TMEM132C: variants seen among roughly 807,000 people sequenced by gnomAD.
TMEM132C encodes the protein transmembrane protein 132C, also known as protein phosphatase 1, regulatory subunit 152.
TMEM132C carries 29 observed loss-of-function variants against 61.4 expected under a neutral mutation model. That is an observed-to-expected ratio of 0.47 (90% CI 0.35 to 0.64). The LOEUF (loss-of-function observed/expected upper bound fraction) is 0.64, where lower values mean the gene tolerates loss of function less well. Ranked by LOEUF, TMEM132C falls within the 30% of genes least tolerant of loss-of-function variation. The pLI, the probability that TMEM132C is intolerant of heterozygous loss-of-function variation, is 0.00. For synonymous variants in TMEM132C, 656 were observed against 633.1 expected (o/e 1.04, Z -0.54); for missense variants, 1,408 against 1,476.9 (o/e 0.95, Z 0.76).
intron 2 of TMEM132C, among the ~76,000 whole-genome samples, chr12:128,484,249 A>T (rs1433475531): frequency 6.6e-6 from 1 of 152,208 alleles, no homozygotes; most frequent in African/African-American, 2.4e-5. Flanking sequence ...CTTGAAAAGC[A>T]GTGACAGGTT....
intron 2 of TMEM132C, among the ~76,000 whole-genome samples, chr12:128,541,849 T>C (rs1873767643): frequency 6.6e-6 from 1 of 152,258 alleles, no homozygotes; most frequent in Admixed American, 6.5e-5. Context: ...GTGTTTCTCC[T>C]GGAGGGTGAA....
At chr12:128,422,355 A>T (rs1869019154) in intron 2 of TMEM132C, among the ~76,000 whole-genome samples, 1 of 152,182 alleles carries the variant, frequency 6.6e-6, no homozygotes, top group South Asian at 2.1e-4. Context: ...TAACGTGAAG[A>T]ACTTGCGGGT....
intron 3 of TMEM132C, among the ~76,000 whole-genome samples, chr12:128,565,836 C>T (rs991878037): frequency 1.3e-5 from 2 of 149,282 alleles, no homozygotes; most frequent in Non-Finnish European, 3.0e-5. Flanking sequence ...CTCTTAAGAA[C>T]TGCATGAAGG....
At chr12:128,435,759 C>T (rs535051517) in intron 2 of TMEM132C, among the ~76,000 whole-genome samples, 1 of 152,312 alleles carries the variant, frequency 6.6e-6, no homozygotes, top group East Asian at 1.9e-4. Flanking sequence ...CCCCATCAAG[C>T]TACCAATTAC....
intron 2 of TMEM132C, among the ~76,000 whole-genome samples, chr12:128,523,713 G>A (rs75199631): frequency 0.057 from 8,477 of 149,638 alleles, 317 homozygotes; most frequent in Middle Eastern, 0.1. Flanking sequence ...CAAAACCTCT[G>A]ATTGAGCCTG....
intron 2 of TMEM132C, among the ~76,000 whole-genome samples, chr12:128,462,524 C>T (rs1049054290): frequency 2.0e-5 from 3 of 152,112 alleles, no homozygotes; most frequent in African/African-American, 4.8e-5. Flanking sequence ...AATGTGAAGT[C>T]GAAAACCTGA....
At chr12:128,374,765 CA>C (rs1408747512) in intron 1 of TMEM132C, among the ~76,000 whole-genome samples, 1 of 151,122 alleles carries the variant, frequency 6.6e-6, no homozygotes, top group African/African-American at 2.5e-5. Context: ...ACTAAAAATA[CA>C]AAAATTAGCC....
chr12:128,487,358 G>A (rs1871532871), intron 2 of TMEM132C, among the ~76,000 whole-genome samples: 1 of 152,010 alleles, frequency 6.6e-6, no homozygotes, highest in Non-Finnish European at 1.5e-5. Context: ...GAAGAACTTG[G>A]CCATAATCTA....
At chr12:128,623,867 A>G (rs764739714) in intron 4 of TMEM132C, among the ~76,000 whole-genome samples, 12 of 152,130 alleles carry the variant, frequency 7.9e-5, no homozygotes, top group Non-Finnish European at 1.5e-4. Context: ...AACAGAGAAT[A>G]TTTACATAAG....
intron 1 of TMEM132C, among the ~76,000 whole-genome samples, chr12:128,353,654 T>C (rs955476858): frequency 2.6e-5 from 4 of 152,216 alleles, no homozygotes; most frequent in African/African-American, 9.6e-5. Flanking sequence ...CTGTTTGTTT[T>C]CCCACATTGG....
intron 1 of TMEM132C, among the ~76,000 whole-genome samples, chr12:128,387,094 A>T (rs1324231257): frequency 6.9e-6 from 1 of 144,424 alleles, no homozygotes; most frequent in African/African-American, 2.5e-5. Context: ...TGAGCCGTGA[A>T]TGTACCACTG....
intron 3 of TMEM132C, among the ~76,000 whole-genome samples, chr12:128,585,106 C>T (rs993400164): frequency 1.4e-4 from 22 of 152,254 alleles, no homozygotes; most frequent in African/African-American, 5.1e-4. Flanking sequence ...TTCACACTTG[C>T]AGCCGTGAAA....
chr12:128,574,586 A>G (rs1467701813), intron 3 of TMEM132C, among the ~76,000 whole-genome samples: 6 of 152,136 alleles, frequency 3.9e-5, no homozygotes, highest in South Asian at 2.1e-4. Context: ...GCCAAGTTCA[A>G]TTGTCCTTCC....
At chr12:128,354,570 A>G (rs76749798) in intron 1 of TMEM132C, among the ~76,000 whole-genome samples, 2,385 of 151,154 alleles carry the variant, frequency 0.016, 67 homozygotes, top group African/African-American at 0.055. Context: ...CTCTTCCACA[A>G]CAGGGTGTCT....
chr12:128,411,958 G>A (rs1268872400), intron 1 of TMEM132C, among the ~76,000 whole-genome samples: 2 of 152,090 alleles, frequency 1.3e-5, no homozygotes, highest in African/African-American at 4.8e-5. Flanking sequence ...TTATCTACTT[G>A]ATAAGAAATA....
intron 3 of TMEM132C, among the ~76,000 whole-genome samples, chr12:128,584,579 T>C (rs1414332594): frequency 6.6e-6 from 1 of 152,240 alleles, no homozygotes; most frequent in Non-Finnish European, 1.5e-5. Context: ...TAATAATTGC[T>C]GTGTAACAGG....
chr12:128,695,213 T>A (rs542931174), intron 6 of TMEM132C, among the ~76,000 whole-genome samples: 1 of 152,278 alleles, frequency 6.6e-6, no homozygotes, highest in South Asian at 2.1e-4. Flanking sequence ...TTTATCTAAT[T>A]TTTATTTATT....
chr12:128,654,460 T>G (rs972638172), intron 4 of TMEM132C, among the ~76,000 whole-genome samples: 3 of 152,220 alleles, frequency 2.0e-5, no homozygotes, highest in Admixed American at 6.5e-5. Context: ...TTTCAGTCGT[T>G]GTATGCCATC....
At chr12:128,552,840 G>A (rs142208999) in intron 3 of TMEM132C, among the ~76,000 whole-genome samples, 24 of 152,210 alleles carry the variant, frequency 1.6e-4, no homozygotes, top group African/African-American at 3.9e-4. Flanking sequence ...CCCAGGAGGC[G>A]GAGGTTGCAG....
Sources: gnomAD v4.1 joint callset for allele counts (sites outside exome capture counted in the v4.1 genomes callset) on GRCh38, gnomAD v4.1.1 for gene constraint, MANE v1.5 for transcripts, NCBI Gene and HGNC (gene_info 2026-07-23, HGNC 2026-07-21) for gene names.